Variants in ANKRD42 observed in about 807,000 individuals in gnomAD.
ANKRD42 encodes the protein ankyrin repeat domain-containing protein 42.
Under a neutral mutation model 51.5 loss-of-function variants are expected in ANKRD42, and 43 were observed. The observed-to-expected ratio is 0.83, with a 90% CI of 0.65 to 1.08. The LOEUF is 1.08. Among genes scored for constraint, ANKRD42 ranks in the 50% least tolerant of loss-of-function variants. ANKRD42 has a pLI of 0.00. For missense variants in ANKRD42, 608 were observed against 629.3 expected (o/e 0.97, Z 0.36); for synonymous variants, 203 against 213.0 (o/e 0.95, Z 0.41).
In ANKRD42 at chr11:83,217,863, G is replaced by GT. The variant is rs540234818; in HGVS notation, c.586+6434dup. 2.8e-3 allele frequency among the ~76,000 whole-genome samples: 434 copies of GT among 152,312 alleles called. 3 individuals carry two copies. Among genetic ancestry groups the GT allele is most frequent in the African/African-American group, 9.9e-3 (413 of 41,560 alleles). On this transcript the variant is annotated intron_variant, in intron 5 of 10. Coordinates refer to ENST00000533342, the MANE Select transcript of ANKRD42 (RefSeq NM_001300975.2). ...TTTTGGTTCCCTCTGAGCCACCAGGGTCTACCTGTCTGAGAGCCAAGACTA... is the reference window on the plus strand; with the variant it reads ...TTTTGGTTCCCTCTGAGCCACCAGGGTTCTACCTGTCTGAGAGCCAAGACTA...
At chr11:83,195,057 G>A (rs1388236230) in intron 1 of ANKRD42, among the ~76,000 whole-genome samples, 1 of 152,134 alleles carries the variant, frequency 6.6e-6, no homozygotes, top group Non-Finnish European at 1.5e-5. Context: ...TGACAAATTA[G>A]TACTTACTTA....
At chr11:83,247,183 A>C (rs1863566338) in intron 10 of ANKRD42, among the ~76,000 whole-genome samples, 1 of 151,270 alleles carries the variant, frequency 6.6e-6, no homozygotes, top group African/African-American at 2.4e-5. Context: ...GATTCCTTGT[A>C]GTCTAGAAAA....
chr11:83,232,370 T>C (rs916242544), intron 7 of ANKRD42, among the ~76,000 whole-genome samples: 1 of 152,158 alleles, frequency 6.6e-6, no homozygotes, highest in Non-Finnish European at 1.5e-5. Flanking sequence ...ATGGGATTAC[T>C]ATTTTGATTT....
chr11:83,261,833 A>T, downstream of ANKRD42: 1 of 1,041,766 alleles, frequency 9.6e-7, no homozygotes, highest in Non-Finnish European at 1.4e-6. Context: ...TTTTGCTGCA[A>T]CTGACAATGT....
downstream of ANKRD42, among the ~76,000 whole-genome samples, chr11:83,252,142 A>G (rs903124795): frequency 1.3e-5 from 2 of 152,248 alleles, no homozygotes; most frequent in South Asian, 4.1e-4. Flanking sequence ...CAAGTGGCCA[A>G]TAAACATGAA....
downstream of ANKRD42, among the ~76,000 whole-genome samples, chr11:83,264,018 A>G (rs1051709833): frequency 6.6e-6 from 1 of 152,198 alleles, no homozygotes. Flanking sequence ...TTAAATGTGC[A>G]TATCTTTTTG....
At chr11:83,263,983 C>G (rs536565944), downstream of ANKRD42, among the ~76,000 whole-genome samples, 3 of 152,242 alleles carry the variant, frequency 2.0e-5, no homozygotes, top group South Asian at 6.2e-4. Flanking sequence ...TTCTTTTAGA[C>G]AGCAATTTGT....
chr11:83,209,406 A>G lies in ANKRD42; in HGVS notation c.331-894A>G. ...CTAGCAAACCGAGCGATCATGTCGC[A>G]CAAACAAATTTACTATTCAGACAAA... On this transcript the variant is annotated intron_variant, in intron 3 of 10. Transcript: ENST00000533342. The G allele has an allele frequency of 3.8e-6, 6 of 1,578,234 alleles. No homozygotes were observed. In the South Asian group the frequency reaches 5.7e-5, roughly 15 times the overall value.
chr11:83,249,024 G>C, downstream of ANKRD42: 1 of 975,934 alleles, frequency 1.0e-6, no homozygotes, highest in Non-Finnish European at 1.2e-6. Context: ...TTAGCACATG[G>C]GGAAAATTTA....
chr11:83,243,464 C>A (rs1264656068), intron 9 of ANKRD42, among the ~76,000 whole-genome samples: 1 of 152,098 alleles, frequency 6.6e-6, no homozygotes, highest in African/African-American at 2.4e-5. Flanking sequence ...CTGAGGACCC[C>A]ATAGAACAGG....
At chr11:83,229,832 A>C (rs1029367509) in intron 7 of ANKRD42, among the ~76,000 whole-genome samples, 1 of 151,916 alleles carries the variant, frequency 6.6e-6, no homozygotes, top group Non-Finnish European at 1.5e-5. Context: ...TTGTTGGGGG[A>C]CATTTACCTT....
intron 1 of ANKRD42, among the ~76,000 whole-genome samples, chr11:83,195,867 C>T (rs1437903230): frequency 3.6e-5 from 5 of 139,026 alleles, no homozygotes; most frequent in East Asian, 2.1e-4. Context: ...TTTTTGGAGA[C>T]GGAGTCTTGC....
chr11:83,227,884 T>G lies in ANKRD42; in HGVS notation c.913+12T>G. The G allele has an allele frequency of 6.3e-7, 1 of 1,591,060 alleles. No homozygotes were observed. The highest frequency in any genetic ancestry group is 8.5e-7 in the Non-Finnish European group (1 of 1,171,964). On this transcript the variant is annotated intron_variant, in intron 7 of 10. Transcript: ENST00000533342. Reference sequence around the variant, plus strand: ...TCCTATGCATAAAGGTGAGTTATGATTCCTCCTTTCAGTTCGGATACAATA... The same window carrying G: ...TCCTATGCATAAAGGTGAGTTATGAGTCCTCCTTTCAGTTCGGATACAATA...
chr11:83,255,972 C>T, exon 12 of ANKRD42: 8 of 1,435,902 alleles, frequency 5.6e-6, no homozygotes, highest in Non-Finnish European at 7.4e-6. Context: ...AGATTTTTCT[C>T]TTTCATTAAA....
intron 6 of ANKRD42, 106 bp from the exon 7 acceptor site, chr11:83,227,641 G>A (rs1322351354): frequency 1.7e-6 from 2 of 1,205,112 alleles, no homozygotes; most frequent in Non-Finnish European, 2.3e-6. Flanking sequence ...GATTACAACA[G>A]CCTTATATTT....
At chr11:83,200,061 A>C (rs1478061741) in intron 2 of ANKRD42, among the ~76,000 whole-genome samples, 1 of 151,772 alleles carries the variant, frequency 6.6e-6, no homozygotes, top group African/African-American at 2.4e-5. Context: ...AGTTTCATCT[A>C]GTTGGAGTTT....
intron 2 of ANKRD42, among the ~76,000 whole-genome samples, chr11:83,203,638 T>A (rs1403825180): frequency 1.3e-5 from 2 of 152,124 alleles, no homozygotes; most frequent in African/African-American, 4.8e-5. Context: ...GTGATCCACC[T>A]GCCTTGGTCT....
intron 3 of ANKRD42, among the ~76,000 whole-genome samples, chr11:83,209,078 C>T (rs752204315): frequency 3.3e-5 from 5 of 152,160 alleles, no homozygotes; most frequent in Non-Finnish European, 7.3e-5. Context: ...TAGAACTAGT[C>T]ACTTTAATAA....
Position 83,248,241 on chromosome 11 carries a change from A to G in ANKRD42, c.*37A>G, listed in dbSNP as rs141811509. On this transcript the variant is annotated 3_prime_UTR_variant, in exon 11 of 11. Transcript: ENST00000533342. ...CATTTAACCTTTTTGTGCCTCAACT[A>G]TAAACTGGAGATGATAACTTATACT... 0.01 allele frequency: 14,760 copies of G among 1,457,374 alleles called. 104 individuals carry two copies. The highest frequency in any genetic ancestry group is 0.012 in the Non-Finnish European group (13,011 of 1,109,082). The allele number at this position is 1,457,374 out of a possible 1,614,324, so 90.3% of individuals were successfully genotyped here.
Sources: allele counts gnomAD v4.1 joint callset (sites outside exome capture counted in the v4.1 genomes callset), GRCh38; gene constraint gnomAD v4.1.1; transcripts MANE v1.5; gene names NCBI Gene and HGNC (gene_info 2026-07-23, HGNC 2026-07-21).